The following SCAF8 variants were observed in gnomAD, a reference collection of about 807,000 sequenced individuals.
SCAF8 encodes the protein SR-related CTD associated factor 8.
Under a neutral mutation model 140.5 loss-of-function variants are expected in SCAF8, and 23 were observed. The ratio of observed to expected loss-of-function variants is 0.16; its 90% CI spans 0.12 to 0.23. SCAF8 has a LOEUF of 0.23. Ranked by LOEUF, SCAF8 falls within the 10% of genes least tolerant of loss-of-function variation. SCAF8 has a pLI of 1.00. For missense variants in SCAF8, 1,397 were observed against 1,555.7 expected, an observed-to-expected ratio of 0.90 and a Z score of 1.72; for synonymous variants, 575 against 528.9, an observed-to-expected ratio of 1.09 and a Z score of -1.20.
At chr6:154,829,248 T>C (rs1778657369) in intron 18 of SCAF8, among the ~76,000 whole-genome samples, 1 of 151,650 alleles carries the variant, frequency 6.6e-6, no homozygotes, top group South Asian at 2.1e-4. Context: ...TTTTTTTTTT[T>C]ACATTTTTAT....
intron 1 of SCAF8, among the ~76,000 whole-genome samples, chr6:154,736,913 A>C (rs1389118518): frequency 6.6e-6 from 1 of 152,180 alleles, no homozygotes; most frequent in East Asian, 1.9e-4. Context: ...AAATAGCAGT[A>C]CAGAGTCAGG....
chr6:154,734,759 A>T (rs1161268764), intron 1 of SCAF8, among the ~76,000 whole-genome samples: 2 of 152,242 alleles, frequency 1.3e-5, no homozygotes, highest in African/African-American at 4.8e-5. Context: ...AATAGGCCTT[A>T]ATGTAAACAT....
intron 4 of SCAF8, among the ~76,000 whole-genome samples, chr6:154,789,477 T>G (rs1197858721): frequency 3.9e-5 from 6 of 151,966 alleles, no homozygotes. Context: ...AGACAGAAAG[T>G]TTTTGATTTT....
At chr6:154,783,276 T>G (rs1777138187) in intron 3 of SCAF8, among the ~76,000 whole-genome samples, 1 of 152,208 alleles carries the variant, frequency 6.6e-6, no homozygotes, top group East Asian at 1.9e-4. Context: ...TCTACTAGAT[T>G]CAGAATAAGA....
intron 3 of SCAF8, among the ~76,000 whole-genome samples, chr6:154,785,592 ATTCTGT>A (rs1282558523): frequency 6.6e-6 from 1 of 152,098 alleles, no homozygotes; most frequent in East Asian, 1.9e-4. Context: ...CAGCCACATG[ATTCTGT>A]TTCTACCACT....
chr6:154,743,207 TC>T (rs1562422107), intron 1 of SCAF8, among the ~76,000 whole-genome samples: 1 of 152,214 alleles, frequency 6.6e-6, no homozygotes, highest in Non-Finnish European at 1.5e-5. Context: ...TGTCCACTGT[TC>T]AAAATAGAGA....
At chr6:154,777,937 A>G (rs1023655863) in intron 2 of SCAF8, 64 bp from the exon 3 acceptor site, 2 of 975,042 alleles carry the variant, frequency 2.1e-6, no homozygotes, top group Admixed American at 2.0e-5. Context: ...ACCTATGGTT[A>G]GCAGGAAATT....
chr6:154,744,023 G>A (rs1379605255), intron 1 of SCAF8, among the ~76,000 whole-genome samples: 4 of 152,134 alleles, frequency 2.6e-5, no homozygotes, highest in Admixed American at 2.0e-4. Context: ...TACTGGGCAC[G>A]GTGGCTCACG....
intron 1 of SCAF8, among the ~76,000 whole-genome samples, chr6:154,762,283 T>G (rs992249567): frequency 6.6e-6 from 1 of 152,218 alleles, no homozygotes; most frequent in Non-Finnish European, 1.5e-5. Flanking sequence ...GGAGGTGTTT[T>G]CCAGGGCTGG....
In SCAF8 at chr6:154,832,812, A is replaced by G. The variant is rs1267261170; in HGVS notation, c.3233A>G (p.His1078Arg). The change falls in exon 20 of 20, where the codon CAT becomes CGT. Residue 1078 changes from histidine (H) to arginine (R), a missense_variant. Physicochemically the swap from His to Arg is conservative, Grantham distance 29. Around this residue, in one of 5 missense-constraint regions of SCAF8, gnomAD observed 930 missense variants for 874.6 expected, o/e 1.06. Transcript: ENST00000367178. ...AATCTTGTGAGGCCAGGTATAGATC[A>G]TCTTGGTCGAAGAGACCACTTTGGC... ...RENLVRPGID[H>R]LGRRDHFGFN... 1.2e-6 allele frequency: 2 copies of G among 1,613,442 alleles called. No individual in the cohort carries two copies. Among genetic ancestry groups the G allele is most frequent in the Non-Finnish European group, 8.5e-7 (1 of 1,179,488 alleles).
intron 6 of SCAF8, among the ~76,000 whole-genome samples, chr6:154,797,891 G>A (rs1461291021): frequency 6.6e-6 from 1 of 151,300 alleles, no homozygotes; most frequent in African/African-American, 2.4e-5. Flanking sequence ...CTCTTTGCTT[G>A]TGTTGCACTC....
chr6:154,745,697 T>C (rs1287252365), intron 1 of SCAF8, among the ~76,000 whole-genome samples: 2 of 152,196 alleles, frequency 1.3e-5, no homozygotes, highest in African/African-American at 4.8e-5. Flanking sequence ...AATACCTTGC[T>C]ACTTGTCAAA....
chr6:154,740,149 T>C (rs1778530678), intron 1 of SCAF8, among the ~76,000 whole-genome samples: 1 of 152,154 alleles, frequency 6.6e-6, no homozygotes, highest in Non-Finnish European at 1.5e-5. Flanking sequence ...ATTAGTATTA[T>C]AAAGGAAGGA....
At chr6:154,805,925 G>A (rs1777900467) in intron 9 of SCAF8, among the ~76,000 whole-genome samples, 1 of 152,048 alleles carries the variant, frequency 6.6e-6, no homozygotes, top group South Asian at 2.1e-4. Flanking sequence ...TTTTTAAAAC[G>A]TATTTGCTGT....
intron 3 of SCAF8, among the ~76,000 whole-genome samples, chr6:154,781,941 T>G (rs1423144754): frequency 6.6e-6 from 1 of 152,200 alleles, no homozygotes; most frequent in African/African-American, 2.4e-5. Context: ...ATATTATCCG[T>G]GAACCCATGT....
chr6:154,800,124 T>C (rs1430333692), intron 6 of SCAF8, among the ~76,000 whole-genome samples: 1 of 151,308 alleles, frequency 6.6e-6, no homozygotes, highest in Non-Finnish European at 1.5e-5. Flanking sequence ...TACCTGTCAT[T>C]GTTTACACTC....
At chr6:154,741,889 A>G (rs1203077003) in intron 1 of SCAF8, 14 of 1,070,540 alleles carry the variant, frequency 1.3e-5, no homozygotes, top group African/African-American at 3.1e-5. Flanking sequence ...GAGCTCCTGA[A>G]CTTTTAAGTG....
chr6:154,793,432 TTTTTTGAAATTTTTATGAAAAAA>T (rs1455147214), intron 5 of SCAF8, among the ~76,000 whole-genome samples: 3 of 151,800 alleles, frequency 2.0e-5, no homozygotes, highest in Non-Finnish European at 4.4e-5. Flanking sequence ...AATTTAAAAA[TTTTTTGAAATTTTTATGAAAAAA>T]TTTTTTTCAT....
chr6:154,781,033 GGTT>G (rs1777069108), intron 3 of SCAF8, among the ~76,000 whole-genome samples: 1 of 151,798 alleles, frequency 6.6e-6, no homozygotes, highest in Non-Finnish European at 1.5e-5. Context: ...CACCAGCATC[GGTT>G]GTTTCTTGAC....
Sources: gnomAD v4.1 joint callset for allele counts (sites outside exome capture counted in the v4.1 genomes callset) on GRCh38, gnomAD v4.1.1 for gene constraint, gnomAD v4.1.1 regional missense constraint, MANE v1.5 for transcripts, NCBI Gene and HGNC (gene_info 2026-07-23, HGNC 2026-07-21) for gene names.